SLC17A6: variants seen among roughly 807,000 people sequenced by gnomAD.
SLC17A6 encodes solute carrier family 17 member 6.
Under a neutral mutation model 67.1 loss-of-function variants are expected in SLC17A6, and 35 were observed. The ratio of observed to expected loss-of-function variants is 0.52; its 90% CI spans 0.40 to 0.69. The LOEUF is 0.69. Among genes scored for constraint, SLC17A6 ranks in the 30% least tolerant of loss-of-function variants. The probability of loss-of-function intolerance (pLI) is 0.00; values close to 1 mark genes in which losing one functional copy is unlikely to be tolerated. For synonymous variants in SLC17A6, 285 were observed against 252.3 expected (o/e 1.13, Z -1.23); for missense variants, 588 against 723.9 (o/e 0.81, Z 2.15).
chr11:22,352,886 G>T (rs1193221013), intron 3 of SLC17A6, among the ~76,000 whole-genome samples: 1 of 152,094 alleles, frequency 6.6e-6, no homozygotes, highest in African/African-American at 2.4e-5. Context: ...GACTATTGAG[G>T]CACAGACTAA....
At chr11:22,369,528 A>T (rs769047181) in intron 7 of SLC17A6, among the ~76,000 whole-genome samples, 5 of 152,004 alleles carry the variant, frequency 3.3e-5, no homozygotes, top group Non-Finnish European at 7.4e-5. Flanking sequence ...TAATTGACTT[A>T]GATTGATTGG....
In SLC17A6 at chr11:22,378,949, T is replaced by C. The variant is rs1018176547; in HGVS notation, c.*1209T>C. 2.6e-5 allele frequency: 4 copies of C among 152,486 alleles called. No homozygotes were observed. Among genetic ancestry groups the C allele is most frequent in the South Asian group, 2.1e-4 (1 of 4,826 alleles). 9.4% of individuals were successfully genotyped at this position (152,486 alleles called of 1,614,324 possible). Reference sequence around the variant, plus strand: ...ATACACCTAATGTTGGGTTAGGGAATTGCAATTTCTACTTTCATAGAGTCA... The same window carrying C: ...ATACACCTAATGTTGGGTTAGGGAACTGCAATTTCTACTTTCATAGAGTCA... On this transcript the variant is annotated 3_prime_UTR_variant, in exon 12 of 12. Transcript: ENST00000263160.
At chr11:22,341,804 G>A in intron 2 of SLC17A6, 24 bp downstream of exon 2, 1 of 1,611,084 alleles carries the variant, frequency 6.2e-7, no homozygotes, top group Non-Finnish European at 8.5e-7. Context: ...GGCCGCCCTG[G>A]CTCCTGCCCT....
At chr11:22,360,126 C>T (rs1161355624) in intron 4 of SLC17A6, among the ~76,000 whole-genome samples, 3 of 151,656 alleles carry the variant, frequency 2.0e-5, no homozygotes, top group African/African-American at 7.3e-5. Context: ...AAAAAAAACC[C>T]TTTCTCATAC....
chr11:22,343,437 G>C (rs1048720656), intron 3 of SLC17A6, 72 bp downstream of exon 3: 2 of 1,347,674 alleles, frequency 1.5e-6, no homozygotes. Flanking sequence ...AGAAGCTGGA[G>C]CAGAGACAAC....
In SLC17A6 at chr11:22,379,100, C is replaced by A. The variant is rs750117903; in HGVS notation, c.*1360C>A. On this transcript the variant is annotated 3_prime_UTR_variant, in exon 12 of 12. Coordinates refer to ENST00000263160, the MANE Select transcript of SLC17A6 (RefSeq NM_020346.3). ...AAATTTCCTGTCTGTATATTACCTT[C>A]ATTTTGCTTGTAGTAGCTGTTTGGG... is the stretch of plus-strand genomic sequence containing the variant. The A allele has an allele frequency of 6.6e-6, 1 of 152,508 alleles. No homozygotes were observed. Among genetic ancestry groups the A allele is most frequent in the Non-Finnish European group, 1.5e-5 (1 of 67,964 alleles). The allele number at this position is 152,508 out of a possible 1,614,324, so 9.4% of individuals were successfully genotyped here.
rs1156608057 is a variant in SLC17A6, at chr11:22,338,753, G to A, written c.86+134G>A. The stretch of plus-strand genomic sequence containing the variant: ...CTTTTTGTTGCCCATTGCTTGGAGC[G>A]GGGGTGCTCTGGAAACCTGCTTATT... On this transcript the variant is annotated intron_variant, in intron 1 of 11. Transcript: ENST00000263160. 2.8e-5 allele frequency: 19 copies of A among 671,512 alleles called. No individual in the cohort carries two copies. In the Admixed American group the frequency reaches 3.7e-4, roughly 13 times the overall value. 41.6% of individuals were successfully genotyped at this position (671,512 alleles called of 1,614,324 possible). A position where few individuals can be genotyped will look rare whatever the true frequency, so the allele number is the denominator to read the frequency against.
At chr11:22,366,076 C>T (rs1856108717) in intron 7 of SLC17A6, among the ~76,000 whole-genome samples, 1 of 152,008 alleles carries the variant, frequency 6.6e-6, no homozygotes, top group African/African-American at 2.4e-5. Flanking sequence ...AGTAGTCCCC[C>T]CGCATCCTGA....
chr11:22,340,012 C>G (rs928064422), intron 1 of SLC17A6, among the ~76,000 whole-genome samples: 8 of 152,172 alleles, frequency 5.3e-5, no homozygotes, highest in African/African-American at 1.9e-4. Context: ...TTAACCTAGC[C>G]ACAAATACCT....
In SLC17A6 at chr11:22,374,895, C is replaced by T. The variant is rs746068862; in HGVS notation, c.1174+8C>T. ...AGATCATGAATTGTGGTGGTAAGTA[C>T]ATAAGTGGCACTAAGGACATGTTTT... On this transcript the variant is annotated splice_region_variant and intron_variant, in intron 9 of 11. Coordinates refer to ENST00000263160, the MANE Select transcript of SLC17A6 (RefSeq NM_020346.3). The T allele has an allele frequency of 6.2e-7, 1 of 1,607,538 alleles. No individual in the cohort carries two copies. Among genetic ancestry groups the T allele is most frequent in the East Asian group, 2.2e-5 (1 of 44,682 alleles).
intron 3 of SLC17A6, among the ~76,000 whole-genome samples, chr11:22,347,310 A>G (rs1590380110): frequency 6.6e-6 from 1 of 152,008 alleles, no homozygotes; most frequent in African/African-American, 2.4e-5. Context: ...TGAATGTGTT[A>G]CTAAGTAACT....
At chr11:22,351,213 A>G (rs911437294) in intron 3 of SLC17A6, among the ~76,000 whole-genome samples, 18 of 152,154 alleles carry the variant, frequency 1.2e-4, no homozygotes, top group African/African-American at 4.1e-4. Context: ...TATCCCGCAC[A>G]TGACTCTATA....
Position 22,350,794 on chromosome 11 carries a change from T to C in SLC17A6, c.458+7429T>C, listed in dbSNP as rs150736505. On this transcript the variant is annotated intron_variant, in intron 3 of 11. Coordinates refer to ENST00000263160, the MANE Select transcript of SLC17A6 (RefSeq NM_020346.3). ...TAAGTGAAATGAAATACCAGACTGC[T>C]TGAGATTCATCTTACTATTTAGAAC... is the stretch of plus-strand genomic sequence containing the variant. Among the ~76,000 whole-genome samples the C allele has an allele frequency of 2.0e-5, 3 of 152,288 alleles. No individual in the cohort carries two copies. The East Asian group carries it at 5.8e-4, about 29-fold the overall frequency.
Position 22,374,794 on chromosome 11 carries a change from A to C in SLC17A6, c.1081A>C (p.Ile361Leu). 1 of 1,613,380 alleles carries C rather than the reference A, an allele frequency of 6.2e-7. No homozygotes were observed. The highest frequency in any genetic ancestry group is 8.5e-7 in the Non-Finnish European group (1 of 1,179,738). The change falls in exon 9 of 12, where the codon ATT becomes CTT. Residue 361 changes from isoleucine to leucine, a missense_variant. Ile to Leu is a conservative substitution (Grantham distance 5). This residue lies in a region of SLC17A6 where 414 missense variants were observed against 563.4 expected (regional missense o/e 0.73). Coordinates refer to ENST00000263160, the MANE Select transcript of SLC17A6 (RefSeq NM_020346.3). Reference sequence around the variant, plus strand: ...TGCTGTGCCACACTTAGTAATGACAATTATTGTGCCTATTGGGGGACAAAT... The same window carrying C: ...TGCTGTGCCACACTTAGTAATGACACTTATTGTGCCTATTGGGGGACAAAT... ...LSAVPHLVMT[I>L]IVPIGGQIAD...
At chr11:22,343,001 C>T in intron 2 of SLC17A6, 1 of 584,796 alleles carries the variant, frequency 1.7e-6, no homozygotes, top group East Asian at 3.7e-5. Context: ...ATCTGCCTGA[C>T]AGTAGTCAGG....
intron 1 of SLC17A6, among the ~76,000 whole-genome samples, chr11:22,339,229 G>T (rs1855785003): frequency 6.9e-6 from 1 of 145,782 alleles, no homozygotes; most frequent in South Asian, 2.1e-4. Context: ...GAAAGAGAGA[G>T]GTCTCAGCTT....
intron 5 of SLC17A6, 83 bp downstream of exon 5, chr11:22,361,067 C>A (rs1276944234): frequency 2.7e-6 from 3 of 1,099,716 alleles, no homozygotes; most frequent in South Asian, 3.0e-5. Flanking sequence ...GGTAAACTCA[C>A]CTGTAAAACC....
At chr11:22,339,957 A>G (rs1855795507) in intron 1 of SLC17A6, among the ~76,000 whole-genome samples, 1 of 152,268 alleles carries the variant, frequency 6.6e-6, no homozygotes, top group Non-Finnish European at 1.5e-5. Context: ...GTAAAAATAA[A>G]TTGCAATGTT....
chr11:22,374,741 T>C lies in SLC17A6; in HGVS notation c.1042-14T>C. ...TGGTTATGTCTATTTCTCTCCCTTCTTGTTTTTCATCAGGTTGGTATGCTA... is the reference window on the plus strand; with the variant it reads ...TGGTTATGTCTATTTCTCTCCCTTCCTGTTTTTCATCAGGTTGGTATGCTA... On this transcript the variant is annotated splice_polypyrimidine_tract_variant and intron_variant, in intron 8 of 11. Transcript: ENST00000263160. The C allele has an allele frequency of 1.9e-6, 3 of 1,577,596 alleles. No individual in the cohort carries two copies. The highest frequency in any genetic ancestry group is 2.6e-6 in the Non-Finnish European group (3 of 1,164,020).
Sources: allele counts gnomAD v4.1 joint callset (sites outside exome capture counted in the v4.1 genomes callset), GRCh38; gene constraint gnomAD v4.1.1; regional missense constraint gnomAD v4.1.1; transcripts MANE v1.5; gene names NCBI Gene and HGNC (gene_info 2026-07-23, HGNC 2026-07-21).